ITGAM: variants seen among roughly 807,000 people sequenced by gnomAD.
ITGAM encodes the protein integrin subunit alpha M.
A neutral mutation model predicts 137.5 loss-of-function variants in ITGAM; 79 were observed. That is an observed-to-expected ratio of 0.57 (90% CI 0.48 to 0.69). ITGAM has a LOEUF of 0.69. ITGAM is among the 30% of genes least tolerant of loss of function. The probability of loss-of-function intolerance (pLI) is 0.00; values close to 1 mark genes in which losing one functional copy is unlikely to be tolerated. For synonymous variants in ITGAM, 583 were observed against 592.3 expected, an observed-to-expected ratio of 0.98 and a Z score of 0.23; for missense variants, 1,343 against 1,483.5, an observed-to-expected ratio of 0.91 and a Z score of 1.56.
intron 12 of ITGAM, among the ~76,000 whole-genome samples, chr16:31,288,256 G>T (rs1163726991): frequency 6.6e-6 from 1 of 152,084 alleles, no homozygotes; most frequent in African/African-American, 2.4e-5. Context: ...GACATGCAGG[G>T]CTTGTTCAAT....
chr16:31,328,120 C>T (rs1257833604), intron 22 of ITGAM, 27 bp from the exon 23 acceptor site: 16 of 1,571,348 alleles, frequency 1.0e-5, no homozygotes, highest in Non-Finnish European at 1.2e-5. Context: ...TCTCAAGAGC[C>T]GGCTGGAGCT....
chr16:31,266,390 C>T (rs1364559002), intron 5 of ITGAM, among the ~76,000 whole-genome samples: 1 of 148,946 alleles, frequency 6.7e-6, no homozygotes, highest in Non-Finnish European at 1.5e-5. Flanking sequence ...TGAGATCAGC[C>T]TGGGCAATGT....
intron 14 of ITGAM, among the ~76,000 whole-genome samples, chr16:31,310,244 C>G (rs1337546292): frequency 1.3e-5 from 2 of 152,132 alleles, no homozygotes; most frequent in Non-Finnish European, 2.9e-5. Context: ...GTTGGCCTGC[C>G]TTGCTAGATT....
intron 14 of ITGAM, among the ~76,000 whole-genome samples, chr16:31,317,232 T>C (rs1018395506): frequency 2.6e-5 from 4 of 152,284 alleles, no homozygotes; most frequent in African/African-American, 9.6e-5. Flanking sequence ...AACTAGACAC[T>C]TTTTTTAATG....
chr16:31,321,729 C>A, intron 16 of ITGAM, 102 bp downstream of exon 16: 2 of 1,210,596 alleles, frequency 1.7e-6, no homozygotes, highest in Non-Finnish European at 2.3e-6. Context: ...GAACTGAGTT[C>A]TCACAGGCTC....
intron 5 of ITGAM, among the ~76,000 whole-genome samples, chr16:31,269,708 C>G (rs995297576): frequency 3.3e-5 from 5 of 152,170 alleles, no homozygotes; most frequent in Non-Finnish European, 7.3e-5. Context: ...TCTGTTGCCA[C>G]CCCTGGGTTT....
At chr16:31,290,191 C>A (rs1030974793) in intron 12 of ITGAM, among the ~76,000 whole-genome samples, 5 of 151,124 alleles carry the variant, frequency 3.3e-5, no homozygotes, top group African/African-American at 1.2e-4. Flanking sequence ...CTTTCCAATT[C>A]AAAACTTACA....
chr16:31,293,114 C>T (rs543996977), intron 12 of ITGAM, among the ~76,000 whole-genome samples: 1 of 152,138 alleles, frequency 6.6e-6, no homozygotes, highest in Admixed American at 6.5e-5. Flanking sequence ...TTGTTTTTCT[C>T]TTGTAAATTT....
chr16:31,289,945 G>A (rs1434871361), intron 12 of ITGAM, among the ~76,000 whole-genome samples: 1 of 151,914 alleles, frequency 6.6e-6, no homozygotes, highest in Non-Finnish European at 1.5e-5. Context: ...GCCAGGTGTG[G>A]TGGCACATGG....
At chr16:31,275,780 C>T (rs1319147994) in intron 9 of ITGAM, 81 bp downstream of exon 9, 20 of 1,384,778 alleles carry the variant, frequency 1.4e-5, no homozygotes, top group Non-Finnish European at 2.0e-5. Context: ...AGAATCCAGA[C>T]CTTCCTAACC....
chr16:31,332,597 G>C lies in ITGAM; in HGVS notation c.*890G>C, dbSNP rs369272046. 1 of 152,160 alleles carries C rather than the reference G, an allele frequency of 6.6e-6. No homozygotes were observed. The highest frequency in any genetic ancestry group is 2.4e-5 in the African/African-American group (1 of 41,436). The allele number at this position is 152,160 out of a possible 1,614,324, so 9.4% of individuals were successfully genotyped here. A position where few individuals can be genotyped will look rare whatever the true frequency, so the allele number is the denominator to read the frequency against. ...CCAGGCGATGTGCAAGTGTATGCAC[G>C]TGTGCACACACACCACACATACACA... On this transcript the variant is annotated 3_prime_UTR_variant, in exon 30 of 30. Transcript: ENST00000544665.
intron 7 of ITGAM, among the ~76,000 whole-genome samples, chr16:31,273,124 C>CT (rs978782677): frequency 2.0e-5 from 3 of 151,968 alleles, no homozygotes; most frequent in African/African-American, 7.3e-5. Context: ...TAGTGAGACT[C>CT]TATCTCTAAA....
chr16:31,285,699 C>T (rs963872488), intron 12 of ITGAM, among the ~76,000 whole-genome samples: 9 of 152,110 alleles, frequency 5.9e-5, no homozygotes, highest in Non-Finnish European at 1.2e-4. Flanking sequence ...TACATGCATA[C>T]ATTGCATGTT....
At position 31,311,183 on chromosome 16, in the gene ITGAM, A is replaced by G. The variant is rs574537093; in HGVS notation, c.1708-10058A>G. 9.8e-4 allele frequency among the ~76,000 whole-genome samples: 149 copies of G among 152,362 alleles called. 1 individual carries two copies. The Middle Eastern group carries it at 0.017, about 17-fold the overall frequency. On this transcript the variant is annotated intron_variant, in intron 14 of 29. Transcript: ENST00000544665. Reference sequence around the variant, plus strand: ...TTAGTCCTAAAACCATAAAAACCCTAGAAGAAAACCTAGGCAATACCATTG... The same window carrying G: ...TTAGTCCTAAAACCATAAAAACCCTGGAAGAAAACCTAGGCAATACCATTG...
intron 14 of ITGAM, among the ~76,000 whole-genome samples, chr16:31,309,790 C>T (rs2080305483): frequency 1.3e-5 from 2 of 152,240 alleles, no homozygotes; most frequent in Middle Eastern, 3.4e-3. Flanking sequence ...GTGGCTGGTA[C>T]CGGCTGTTCC....
chr16:31,308,068 T>A (rs1004023127), intron 14 of ITGAM, among the ~76,000 whole-genome samples: 5 of 152,112 alleles, frequency 3.3e-5, no homozygotes, highest in African/African-American at 4.8e-5. Context: ...TATTGAGGAT[T>A]TTTGCATAAA....
chr16:31,326,752 G>T, intron 21 of ITGAM, 104 bp from the exon 22 acceptor site: 1 of 804,754 alleles, frequency 1.2e-6, no homozygotes, highest in South Asian at 1.5e-5. Context: ...ATATCCTGTT[G>T]CATGGATGGG....
chr16:31,287,582 T>C (rs1334582019), intron 12 of ITGAM, among the ~76,000 whole-genome samples: 1 of 152,184 alleles, frequency 6.6e-6, no homozygotes, highest in African/African-American at 2.4e-5. Context: ...TTTTACCTCC[T>C]TGGTTAGCTG....
chr16:31,263,697 T>G (rs2144250494), intron 2 of ITGAM, among the ~76,000 whole-genome samples: 1 of 151,152 alleles, frequency 6.6e-6, no homozygotes, highest in South Asian at 2.1e-4. Flanking sequence ...TTGTACAAGC[T>G]TTGAGTACAC....
Sources: gnomAD v4.1 joint callset for allele counts (sites outside exome capture counted in the v4.1 genomes callset) on GRCh38, gnomAD v4.1.1 for gene constraint, MANE v1.5 for transcripts, NCBI Gene and HGNC (gene_info 2026-07-23, HGNC 2026-07-21) for gene names.